The following TRPV1 variants were observed in gnomAD, a reference collection of about 807,000 sequenced individuals.
TRPV1 encodes the protein transient receptor potential cation channel subfamily V member 1.
In TRPV1, 82 loss-of-function variants were observed where a neutral mutation model predicts 82.3. The ratio of observed to expected loss-of-function variants is 1.00; its 90% confidence interval spans 0.83 to 1.20. The LOEUF (loss-of-function observed/expected upper bound fraction) is 1.20, where lower values mean the gene tolerates loss of function less well. TRPV1 is among the 50% of genes most tolerant of loss of function. The pLI is 0.00. For missense variants in TRPV1, 1,067 were observed against 1,096.8 expected (o/e 0.97, Z 0.38); for synonymous variants, 515 against 467.7 (o/e 1.10, Z -1.30).
In TRPV1 at chr17:3,573,719, T is replaced by G. The variant is rs2074891314; in HGVS notation, c.2017A>C (p.Ile673Leu). 2 of 1,613,956 alleles carry G rather than the reference T, an allele frequency of 1.2e-6. No homozygotes were observed. The highest frequency in any genetic ancestry group is 1.6e-4 in the Middle Eastern group (1 of 6,062). Reference sequence around the variant, plus strand: ...GCGATGAGCATGTTGAGCAGGAGGATGTAGGTGAGAATTACATAGGCCAGC... The same window carrying G: ...GCGATGAGCATGTTGAGCAGGAGGAGGTAGGTGAGAATTACATAGGCCAGC... ...LLLAYVILTY[I>L]LLLNMLIALM... Residue 673 changes from isoleucine (I) to leucine (L), a missense_variant, in exon 14 of 17, where the codon ATC becomes CTC. Ile to Leu is a conservative substitution (Grantham distance 5). Coordinates refer to ENST00000572705, the MANE Select transcript of TRPV1 (RefSeq NM_080704.4).
At position 3,591,350 on chromosome 17, in the gene TRPV1, C is replaced by T. The variant is rs199690172; in HGVS notation, c.288G>A (p.Leu96=). The T allele has an allele frequency of 1.9e-6, 3 of 1,572,928 alleles. No homozygotes were observed. Among genetic ancestry groups the T allele is most frequent in the Non-Finnish European group, 1.7e-6 (2 of 1,161,498 alleles). Residue 96 remains leucine, a synonymous_variant, in exon 4 of 17, where the codon CTG becomes CTA. Coordinates refer to ENST00000572705, the MANE Select transcript of TRPV1 (RefSeq NM_080704.4). The stretch of plus-strand genomic sequence containing the variant: ...TGGCGGCGACAGAGTCCTGGGACAG[C>T]AGCCTGTGGGCCAGAAAACACGCTC... ...RPGDGPTGAR[L]LSQDSVAAST...
At position 3,584,354 on chromosome 17, in the gene TRPV1, G is replaced by A. The variant is rs550038262; in HGVS notation, c.1384-924C>T. ...GGAGGCAGAGCTTGCAGTGAGCTGA[G>A]ATCACACCACTGCACTCCAGCCTGG... On this transcript the variant is annotated intron_variant, in intron 9 of 16. Coordinates refer to ENST00000572705, the MANE Select transcript of TRPV1 (RefSeq NM_080704.4). Among the ~76,000 whole-genome samples the A allele has an allele frequency of 1.1e-3, 157 of 140,770 alleles. 2 individuals are homozygous for A. The highest frequency in any genetic ancestry group is 4.1e-3 in the African/African-American group (155 of 37,806). 92.4% of individuals were successfully genotyped at this position (140,770 alleles called of 152,430 possible).
In TRPV1 at chr17:3,588,212, G is replaced by T. The variant is rs776903592; in HGVS notation, c.1200C>A (p.Ile400=). 9 of 1,570,996 alleles carry T rather than the reference G, an allele frequency of 5.7e-6. No homozygotes were observed. The highest frequency in any genetic ancestry group is 7.8e-6 in the Non-Finnish European group (9 of 1,158,658). ...TCEKNSVLEV[I]AYSSSETPNR... ...CAGGGGTCTCGCTGCTGCTGTAGGC[G>T]ATCACCTCCAGCACCGAGTTCTTCT... is the stretch of plus-strand genomic sequence containing the variant. Residue 400 remains isoleucine, a synonymous_variant, in exon 8 of 17, where the codon ATC becomes ATA. Coordinates refer to ENST00000572705, the MANE Select transcript of TRPV1 (RefSeq NM_080704.4).
At chr17:3,590,842 A>T in intron 5 of TRPV1, 122 bp downstream of exon 5, 1 of 1,329,672 alleles carries the variant, frequency 7.5e-7, no homozygotes, top group Non-Finnish European at 1.0e-6. Flanking sequence ...AGGAGCCACC[A>T]ACGCAGTGGC....
intron 10 of TRPV1, 30 bp downstream of exon 10, chr17:3,583,308 G>GA: frequency 6.4e-7 from 1 of 1,566,494 alleles, no homozygotes. Flanking sequence ...GGTGATAATG[G>GA]AAACTCACAA....
intron 10 of TRPV1, among the ~76,000 whole-genome samples, chr17:3,581,715 T>C (rs1156522897): frequency 3.4e-5 from 5 of 147,430 alleles, no homozygotes; most frequent in Non-Finnish European, 7.5e-5. Context: ...TGAAACCCCG[T>C]CTCTACTAAA....
chr17:3,592,642 G>C (rs1049051446), intron 2 of TRPV1: 3 of 470,038 alleles, frequency 6.4e-6, no homozygotes, highest in Non-Finnish European at 1.2e-5. Context: ...ACAGGCCCCC[G>C]GCTCAGAGCC....
intron 2 of TRPV1, among the ~76,000 whole-genome samples, chr17:3,604,013 C>T (rs1243287566): frequency 6.6e-6 from 1 of 152,248 alleles, no homozygotes; most frequent in African/African-American, 2.4e-5. Context: ...GCAGGGCACC[C>T]TGTAACAGGC....
rs903705338 is a variant in TRPV1 at position 3,590,372 on chromosome 17, C to T, written c.625G>A (p.Ala209Thr). The T allele has an allele frequency of 1.2e-5, 19 of 1,613,772 alleles. No individual in the cohort carries two copies. Among genetic ancestry groups the T allele is most frequent in the African/African-American group, 2.7e-5 (2 of 74,920 alleles). Reference protein sequence around the residue: ...YYKGQTALHIAIERRNMALVT... With the variant: ...YYKGQTALHITIERRNMALVT... ...AGGGCCATGTTGCGTCTCTCGATGG[C>T]GATGTGCAGTGCTGTCTGGCCTACA... is the stretch of plus-strand genomic sequence containing the variant. The change falls in exon 6 of 17, where the codon GCC (alanine) becomes ACC (threonine). Residue 209 changes from alanine (A) to threonine (T), a missense_variant. Transcript: ENST00000572705.
intron 16 of TRPV1, among the ~76,000 whole-genome samples, chr17:3,567,423 C>T (rs1256081400): frequency 3.4e-5 from 5 of 146,900 alleles, no homozygotes; most frequent in African/African-American, 5.0e-5. Context: ...AAAGAAAAAA[C>T]GAGGCCCAGG....
chr17:3,588,535 C>T (rs1018398919), intron 7 of TRPV1, among the ~76,000 whole-genome samples, 168 bp from the exon 8 acceptor site: 6 of 152,002 alleles, frequency 3.9e-5, no homozygotes, highest in Admixed American at 1.3e-4. Context: ...CGGCCGGGCA[C>T]GGGTGGCTCA....
In TRPV1 at chr17:3,570,888, A is replaced by AT. The variant is rs1410958933; in HGVS notation, c.2347+635dup. 8.6e-5 allele frequency among the ~76,000 whole-genome samples: 13 copies of AT among 151,360 alleles called. No homozygotes were observed. In the South Asian group the frequency reaches 1.7e-3, roughly 20 times the overall value. On this transcript the variant is annotated intron_variant, in intron 16 of 16. Coordinates refer to ENST00000572705, the MANE Select transcript of TRPV1 (RefSeq NM_080704.4). ...GCCACCATGCCTGGCTAATTTTTGT[A>AT]TTTTTTTTAGTAGAGATGGGGTTTC... is the stretch of plus-strand genomic sequence containing the variant.
At chr17:3,583,504 A>G in intron 9 of TRPV1, 74 bp from the exon 10 acceptor site, 1 of 1,228,930 alleles carries the variant, frequency 8.1e-7, no homozygotes, top group Non-Finnish European at 1.2e-6. Flanking sequence ...AGGTCCATGA[A>G]GCCATAGTCC....
At chr17:3,594,127 CAAAAAAAAA>C (rs57620622) in intron 2 of TRPV1, among the ~76,000 whole-genome samples, 2 of 46,482 alleles carry the variant, frequency 4.3e-5, no homozygotes, top group East Asian at 1.4e-3. Flanking sequence ...AACTCTGTCT[CAAAAAAAAA>C]AAAAAAAAAA....
At chr17:3,567,203 CA>C (rs1377863255) in intron 16 of TRPV1, among the ~76,000 whole-genome samples, 1,409 of 105,120 alleles carry the variant, frequency 0.013, 9 homozygotes, top group African/African-American at 0.026. Flanking sequence ...ACTAAAAATA[CA>C]AAAAAAAAAA....
At chr17:3,575,243 G>A (rs1294630160) in intron 13 of TRPV1, among the ~76,000 whole-genome samples, 3 of 152,118 alleles carry the variant, frequency 2.0e-5, no homozygotes, top group Non-Finnish European at 4.4e-5. Flanking sequence ...AGCACTTCGG[G>A]AGGCCAAGGC....
At chr17:3,580,023 C>CCCCCG (rs147310814) in intron 11 of TRPV1, among the ~76,000 whole-genome samples, 35 of 146,964 alleles carry the variant, frequency 2.4e-4, no homozygotes, top group African/African-American at 6.4e-4. Context: ...CACAGGGCAG[C>CCCCCG]CCCCGCCCCG....
chr17:3,589,753 C>T, intron 7 of TRPV1, 54 bp downstream of exon 7: 1 of 1,558,862 alleles, frequency 6.4e-7, no homozygotes, highest in Non-Finnish European at 8.7e-7. Flanking sequence ...AGGCAGTCCT[C>T]TCCCATGCCA....
At chr17:3,583,535 C>CCTGGG in intron 9 of TRPV1, 105 bp from the exon 10 acceptor site, 2 of 941,740 alleles carry the variant, frequency 2.1e-6, no homozygotes, top group Non-Finnish European at 3.3e-6. Flanking sequence ...GGCACAGCCT[C>CCTGGG]CATCAGGGGA....
Sources: gnomAD v4.1 joint callset for allele counts (sites outside exome capture counted in the v4.1 genomes callset) on GRCh38, gnomAD v4.1.1 for gene constraint, MANE v1.5 for transcripts, NCBI Gene and HGNC (gene_info 2026-07-23, HGNC 2026-07-21) for gene names.